The following TASP1 variants were observed in gnomAD, a reference collection of about 807,000 sequenced individuals.
The protein encoded by TASP1 is taspase 1, also known as threonine aspartase 1.
A neutral mutation model predicts 56.6 loss-of-function variants in TASP1; 16 were observed. The ratio of observed to expected loss-of-function variants is 0.28; its 90% CI spans 0.19 to 0.43. The LOEUF is 0.43. Among genes scored for constraint, TASP1 ranks in the 20% least tolerant of loss-of-function variants. TASP1 has a pLI of 1.00. For synonymous variants in TASP1, 179 were observed against 184.2 expected, an observed-to-expected ratio of 0.97 and a Z score of 0.23; for missense variants, 393 against 511.6, an observed-to-expected ratio of 0.77 and a Z score of 2.24.
At chr20:13,386,075 G>A (rs2041160988), downstream of TASP1, among the ~76,000 whole-genome samples, 2 of 152,202 alleles carry the variant, frequency 1.3e-5, no homozygotes, top group African/African-American at 4.8e-5. Context: ...CCTGCAGCCT[G>A]AAAATATGGA....
At chr20:13,531,558 T>C (rs2045220117) in intron 9 of TASP1, among the ~76,000 whole-genome samples, 1 of 151,702 alleles carries the variant, frequency 6.6e-6, no homozygotes, top group Admixed American at 6.6e-5. Flanking sequence ...AGTGGCATGT[T>C]TGGCTCACTG....
chr20:13,522,498 A>G (rs965662484), intron 10 of TASP1, among the ~76,000 whole-genome samples: 3 of 152,290 alleles, frequency 2.0e-5, no homozygotes, highest in Admixed American at 2.0e-4. Context: ...AAGAGGGTCA[A>G]GGATGAACCC....
intron 10 of TASP1, among the ~76,000 whole-genome samples, chr20:13,512,607 T>C: frequency 1.3e-5 from 2 of 152,222 alleles, no homozygotes; most frequent in East Asian, 3.8e-4. Context: ...TTAGTTTAAT[T>C]AGATCCCATT....
chr20:13,519,380 A>G (rs563204598), intron 10 of TASP1, among the ~76,000 whole-genome samples: 1 of 152,144 alleles, frequency 6.6e-6, no homozygotes, highest in Non-Finnish European at 1.5e-5. Flanking sequence ...CTCAAATTAG[A>G]AAATAAAACC....
chr20:13,541,226 G>A (rs938016388), intron 8 of TASP1, among the ~76,000 whole-genome samples: 9 of 152,290 alleles, frequency 5.9e-5, no homozygotes, highest in African/African-American at 2.2e-4. Flanking sequence ...ATAGAAAAGA[G>A]ATGTCACCTA....
At chr20:13,312,113 G>A in the TASP1 span, among the ~76,000 whole-genome samples, 2 of 152,098 alleles carry the variant, frequency 1.3e-5, no homozygotes, top group Non-Finnish European at 1.5e-5. Flanking sequence ...GTGTTGATAC[G>A]AGTTAAATCT....
chr20:13,607,017 T>C (rs1408216058), intron 4 of TASP1, among the ~76,000 whole-genome samples: 1 of 152,166 alleles, frequency 6.6e-6, no homozygotes, highest in Non-Finnish European at 1.5e-5. Context: ...GTTGCTCCTA[T>C]AGAGAAATGT....
the TASP1 span, among the ~76,000 whole-genome samples, chr20:13,179,475 A>T: frequency 6.6e-6 from 1 of 151,608 alleles, no homozygotes; most frequent in South Asian, 2.1e-4. Context: ...AACAATTTGG[A>T]GAAAAAATAC....
At chr20:13,247,732 G>A in the TASP1 span, among the ~76,000 whole-genome samples, 2 of 152,110 alleles carry the variant, frequency 1.3e-5, no homozygotes, top group African/African-American at 4.8e-5. Context: ...ATAAAGGAGA[G>A]GAAACCTGAC....
At chr20:13,516,671 T>G (rs919589274) in intron 10 of TASP1, among the ~76,000 whole-genome samples, 2 of 151,628 alleles carry the variant, frequency 1.3e-5, no homozygotes, top group African/African-American at 2.4e-5. Flanking sequence ...TTTTTTTTTT[T>G]TTTTTTTTAA....
chr20:13,434,127 G>T (rs1449265259), intron 12 of TASP1, among the ~76,000 whole-genome samples: 1 of 152,072 alleles, frequency 6.6e-6, no homozygotes, highest in African/African-American at 2.4e-5. Context: ...GGACTTCTGG[G>T]GTTGTGGCAA....
chr20:13,555,382 T>TAAAA lies in TASP1; in HGVS notation c.675+3622_675+3625dup, dbSNP rs59279659. ...CTGAGCAACAGATCAAGACTCCCTC[T>TAAAA]AAAAAAAAAAAAAAAAAAAAAAAAT... On this transcript the variant is annotated intron_variant, in intron 8 of 13. Transcript: ENST00000337743. Among the ~76,000 whole-genome samples the TAAAA allele has an allele frequency of 3.6e-3, 357 of 99,320 alleles. 5 individuals are homozygous for TAAAA. The highest frequency in any genetic ancestry group is 6.0e-3 in the East Asian group (20 of 3,326). The allele number at this position is 99,320 out of a possible 152,430, so 65.2% of individuals were successfully genotyped here.
intron 5 of TASP1, among the ~76,000 whole-genome samples, chr20:13,581,894 G>A (rs1380903892): frequency 1.3e-5 from 2 of 152,124 alleles, no homozygotes; most frequent in Admixed American, 1.3e-4. Flanking sequence ...TAAGTTGCCT[G>A]CCCATGATCA....
At chr20:13,419,508 T>A (rs1371006549) in intron 12 of TASP1, among the ~76,000 whole-genome samples, 1 of 152,194 alleles carries the variant, frequency 6.6e-6, no homozygotes, top group Non-Finnish European at 1.5e-5. Context: ...GTACACAGCA[T>A]CAAAATTCTG....
At chr20:13,530,124 C>T (rs776407604) in intron 9 of TASP1, among the ~76,000 whole-genome samples, 11 of 152,090 alleles carry the variant, frequency 7.2e-5, no homozygotes, top group Non-Finnish European at 1.3e-4. Context: ...CAAGACTCTG[C>T]GATGCACAAA....
At chr20:13,599,991 A>G (rs959702671) in intron 4 of TASP1, among the ~76,000 whole-genome samples, 4 of 152,204 alleles carry the variant, frequency 2.6e-5, no homozygotes, top group African/African-American at 9.6e-5. Context: ...TTTTCTATAT[A>G]GTAGTAATAA....
intron 11 of TASP1, among the ~76,000 whole-genome samples, chr20:13,461,845 T>C (rs540560497): frequency 1.1e-3 from 169 of 152,252 alleles, no homozygotes; most frequent in Non-Finnish European, 1.9e-3. Context: ...GGAAGAGTCG[T>C]CCAGATCAAG....
the TASP1 span, among the ~76,000 whole-genome samples, chr20:13,357,087 G>T: frequency 1.3e-5 from 2 of 151,386 alleles, no homozygotes; most frequent in African/African-American, 4.9e-5. Context: ...CTCATTCCAT[G>T]GAGTAGGGAA....
chr20:13,243,282 G>A, the TASP1 span, among the ~76,000 whole-genome samples: 1 of 152,084 alleles, frequency 6.6e-6, no homozygotes, highest in African/African-American at 2.4e-5. Flanking sequence ...AGTCATTCAG[G>A]GACCCAGGAT....
Sources: gnomAD v4.1 joint callset for allele counts (sites outside exome capture counted in the v4.1 genomes callset) on GRCh38, gnomAD v4.1.1 for gene constraint, MANE v1.5 for transcripts, NCBI Gene and HGNC (gene_info 2026-07-23, HGNC 2026-07-21) for gene names.